The following ZEB1 variants were observed in gnomAD, a reference collection of about 807,000 sequenced individuals.
ZEB1 encodes the protein zinc finger E-box-binding homeobox 1.
ZEB1 carries 21 observed loss-of-function variants against 84.9 expected under a neutral mutation model. The observed-to-expected ratio is 0.25, with a 90% CI of 0.18 to 0.36. ZEB1 has a LOEUF of 0.36. Ranked by LOEUF, ZEB1 falls within the 10% of genes least tolerant of loss-of-function variation. The pLI is 1.00. For missense variants in ZEB1, 1,104 were observed against 1,330.2 expected, an observed-to-expected ratio of 0.83 and a Z score of 2.65; for synonymous variants, 420 against 471.1, an observed-to-expected ratio of 0.89 and a Z score of 1.41.
In ZEB1 at chr10:31,362,663, G is replaced by A. The variant is rs192498946; in HGVS notation, c.58+43371G>A. Reference sequence around the variant, plus strand: ...GATGGTGCGGTGGCCGGGCACAGGCGCTCCTCACTTCCCAGATGGTGGAGC... The same window carrying A: ...GATGGTGCGGTGGCCGGGCACAGGCACTCCTCACTTCCCAGATGGTGGAGC... On this transcript the variant is annotated intron_variant, in intron 1 of 8. Transcript: ENST00000424869. The A allele has an allele frequency of 1.7e-3, 685 of 405,124 alleles. 6 individuals carry two copies. The highest frequency in any genetic ancestry group is 0.014 in the Middle Eastern group (18 of 1,270). 25.1% of individuals were successfully genotyped at this position (405,124 alleles called of 1,614,324 possible). A position where few individuals can be genotyped will look rare whatever the true frequency, so the allele number is the denominator to read the frequency against.
intron 1 of ZEB1, among the ~76,000 whole-genome samples, chr10:31,415,961 A>C (rs2055145962): frequency 6.6e-6 from 1 of 152,102 alleles, no homozygotes. Flanking sequence ...TCTAATTGTT[A>C]ATTGAGACTG....
intron 6 of ZEB1, among the ~76,000 whole-genome samples, chr10:31,517,296 C>T (rs953326450): frequency 6.6e-6 from 1 of 151,750 alleles, no homozygotes; most frequent in Non-Finnish European, 1.5e-5. Context: ...TATGCAGAAC[C>T]GTGTGTGTTA....
intron 1 of ZEB1, among the ~76,000 whole-genome samples, chr10:31,401,857 C>G (rs2052085663): frequency 6.6e-6 from 1 of 151,736 alleles, no homozygotes; most frequent in African/African-American, 2.4e-5. Context: ...CCATAATAGG[C>G]AGTGGAGATG....
chr10:31,361,086 C>T, intron 1 of ZEB1: 1 of 1,611,908 alleles, frequency 6.2e-7, no homozygotes, highest in Non-Finnish European at 8.5e-7. Context: ...CTAAGACTTA[C>T]AAATTACAAG....
intron 2 of ZEB1, among the ~76,000 whole-genome samples, chr10:31,492,541 G>C (rs1178074295): frequency 6.6e-6 from 1 of 151,780 alleles, no homozygotes; most frequent in Non-Finnish European, 1.5e-5. Context: ...AGGTATAAAT[G>C]TGCATGGCAT....
chr10:31,505,408 C>G (rs2068808426), intron 4 of ZEB1, among the ~76,000 whole-genome samples: 1 of 151,936 alleles, frequency 6.6e-6, no homozygotes. Context: ...GCAGTGAACC[C>G]TTTCAGTCCC....
chr10:31,340,324 T>A (rs1370033810), intron 1 of ZEB1, among the ~76,000 whole-genome samples: 2 of 152,216 alleles, frequency 1.3e-5, no homozygotes, highest in African/African-American at 2.4e-5. Context: ...TATGAATTAC[T>A]AACTTACTTT....
intron 1 of ZEB1, among the ~76,000 whole-genome samples, chr10:31,347,927 A>G (rs2040601801): frequency 2.0e-5 from 3 of 152,128 alleles, no homozygotes; most frequent in Admixed American, 2.0e-4. Flanking sequence ...AGGGCCCTTC[A>G]GGGGAATTAG....
rs1305637367 is a variant in ZEB1, at chr10:31,404,583, T to C, written c.59-56454T>C. 2.6e-5 allele frequency among the ~76,000 whole-genome samples: 4 copies of C among 152,306 alleles called. 1 individual carries two copies. The highest frequency in any genetic ancestry group is 2.0e-4 in the Admixed American group (3 of 15,274). On this transcript the variant is annotated intron_variant, in intron 1 of 8. Transcript: ENST00000424869. ...TGACATAGTAATCACTTTATAGTTTTCTAGGAAGTTCATCTTTGTATGCAT... is the reference window on the plus strand; with the variant it reads ...TGACATAGTAATCACTTTATAGTTTCCTAGGAAGTTCATCTTTGTATGCAT...
Position 31,528,271 on chromosome 10 carries a change from T to C in ZEB1, c.*1007T>C, listed in dbSNP as rs1451458535. The C allele has an allele frequency of 6.6e-6, 1 of 152,234 alleles. No individual in the cohort carries two copies. The highest frequency in any genetic ancestry group is 1.5e-5 in the Non-Finnish European group (1 of 68,032). 9.4% of individuals were successfully genotyped at this position (152,234 alleles called of 1,614,324 possible). On this transcript the variant is annotated 3_prime_UTR_variant, in exon 9 of 9. Coordinates refer to ENST00000424869, the MANE Select transcript of ZEB1 (RefSeq NM_001174096.2). ...AAATAAAACTTAAAACCACTGACTC[T>C]GTCAGAGAAACTGAAACACTGGGAC...
intron 1 of ZEB1, among the ~76,000 whole-genome samples, chr10:31,360,694 G>A (rs1564580062): frequency 6.6e-6 from 1 of 152,154 alleles, no homozygotes; most frequent in East Asian, 1.9e-4. Context: ...ATGGAAAACA[G>A]TTTTTTTATC....
intron 4 of ZEB1, among the ~76,000 whole-genome samples, chr10:31,509,287 C>G (rs1565163542): frequency 6.6e-6 from 1 of 152,168 alleles, no homozygotes; most frequent in Non-Finnish European, 1.5e-5. Context: ...CCACGATGGT[C>G]CAGGGGTTCT....
intron 2 of ZEB1, among the ~76,000 whole-genome samples, chr10:31,482,417 A>G (rs1422980627): frequency 1.3e-5 from 2 of 151,934 alleles, no homozygotes; most frequent in Non-Finnish European, 2.9e-5. Flanking sequence ...GGTAGAGGTT[A>G]CAGGAGGTTA....
intron 2 of ZEB1, among the ~76,000 whole-genome samples, chr10:31,464,728 T>A (rs1324563801): frequency 6.6e-6 from 1 of 152,164 alleles, no homozygotes; most frequent in East Asian, 1.9e-4. Flanking sequence ...GGATGATATA[T>A]TCAAAGTGCC....
intron 1 of ZEB1, among the ~76,000 whole-genome samples, chr10:31,346,521 T>C (rs2040336237): frequency 6.6e-6 from 1 of 152,102 alleles, no homozygotes; most frequent in Non-Finnish European, 1.5e-5. Context: ...AATACTGCTT[T>C]TAGCAAAAAA....
intron 2 of ZEB1, among the ~76,000 whole-genome samples, chr10:31,483,559 C>T (rs563567387): frequency 6.6e-6 from 1 of 152,110 alleles, no homozygotes; most frequent in South Asian, 2.1e-4. Context: ...GTTACCATAT[C>T]ATATATTCTT....
intron 3 of ZEB1, among the ~76,000 whole-genome samples, chr10:31,498,740 T>C (rs1296432461): frequency 6.6e-6 from 1 of 152,064 alleles, no homozygotes; most frequent in Non-Finnish European, 1.5e-5. Context: ...CCATAGTATA[T>C]TAATACCTAT....
Position 31,521,177 on chromosome 10 carries a change from T to A in ZEB1, c.1845T>A (p.Ile615=). ...AQPSAEELSK[I]ADSVNLPLDV... is the part of the protein sequence containing the mutation. ...CAAGTGCAGAAGAGCTCTCAAAAAT[T>A]GCTGATTCAGTAAACCTACCACTGG... The change falls in exon 7 of 9, where the codon ATT becomes ATA. Residue 615 remains isoleucine, a synonymous_variant. Coordinates refer to ENST00000424869, the MANE Select transcript of ZEB1 (RefSeq NM_001174096.2). The A allele has an allele frequency of 6.2e-7, 1 of 1,614,068 alleles. No homozygotes were observed. Among genetic ancestry groups the A allele is most frequent in the Non-Finnish European group, 8.5e-7 (1 of 1,180,002 alleles).
At position 31,427,731 on chromosome 10, in the gene ZEB1, C is replaced by T. The variant is rs541740545; in HGVS notation, c.59-33306C>T. Among the ~76,000 whole-genome samples, 234 of 152,028 alleles carry T rather than the reference C, an allele frequency of 1.5e-3. 1 individual carries two copies. Among genetic ancestry groups the T allele is most frequent in the Non-Finnish European group, 1.4e-3 (96 of 67,976 alleles). Reference sequence around the variant, plus strand: ...AAAATTAGCCGGGCGTGGTGGCGGGCGCCTGTAGTCCCAGCTACTCGAGAG... The same window carrying T: ...AAAATTAGCCGGGCGTGGTGGCGGGTGCCTGTAGTCCCAGCTACTCGAGAG... On this transcript the variant is annotated intron_variant, in intron 1 of 8. Coordinates refer to ENST00000424869, the MANE Select transcript of ZEB1 (RefSeq NM_001174096.2).
Sources: gnomAD v4.1 joint callset for allele counts (sites outside exome capture counted in the v4.1 genomes callset) on GRCh38, gnomAD v4.1.1 for gene constraint, MANE v1.5 for transcripts, NCBI Gene and HGNC (gene_info 2026-07-23, HGNC 2026-07-21) for gene names.